SAMD12: variants seen among roughly 807,000 people sequenced by gnomAD.
The protein encoded by SAMD12 is sterile alpha motif domain-containing protein 12.
Under a neutral mutation model 15.0 loss-of-function variants are expected in SAMD12, and 9 were observed. That is an observed-to-expected ratio of 0.60 (90% confidence interval 0.36 to 1.05). The LOEUF is 1.05. Ranked by LOEUF, SAMD12 falls within the 50% of genes least tolerant of loss-of-function variation. The pLI is 0.01. For missense variants in SAMD12, 230 were observed against 234.2 expected, an observed-to-expected ratio of 0.98 and a Z score of 0.12; for synonymous variants, 86 against 90.1, an observed-to-expected ratio of 0.96 and a Z score of 0.25.
chr8:118,301,265 C>A (rs1308194439), intron 4 of SAMD12, among the ~76,000 whole-genome samples: 8 of 152,096 alleles, frequency 5.3e-5, no homozygotes, highest in Admixed American at 4.6e-4. Context: ...CTATAACATG[C>A]AACATATGTT....
At chr8:118,144,325 A>G in the SAMD12 span, among the ~76,000 whole-genome samples, 23 of 151,966 alleles carry the variant, frequency 1.5e-4, no homozygotes, top group Non-Finnish European at 3.1e-4. Context: ...TTTTTTAGCC[A>G]CTCTCCCACT....
intron 4 of SAMD12, among the ~76,000 whole-genome samples, chr8:118,272,038 G>T (rs1391121550): frequency 2.6e-5 from 4 of 152,238 alleles, no homozygotes; most frequent in Non-Finnish European, 5.9e-5. Context: ...GGGACTCTGT[G>T]TGGGGGCTCC....
intron 1 of SAMD12, among the ~76,000 whole-genome samples, chr8:118,606,438 GGCT>G (rs1223749119): frequency 6.6e-6 from 1 of 152,130 alleles, no homozygotes; most frequent in African/African-American, 2.4e-5. Context: ...CATCAATGGT[GGCT>G]CAGATGAGAA....
intron 4 of SAMD12, among the ~76,000 whole-genome samples, chr8:118,349,771 CCT>C (rs1158884519): frequency 2.0e-5 from 3 of 152,174 alleles, no homozygotes; most frequent in Non-Finnish European, 4.4e-5. Flanking sequence ...TCGTTTCCTC[CCT>C]GAGTCCTCAG....
chr8:118,601,406 C>T (rs1201309164), intron 1 of SAMD12, among the ~76,000 whole-genome samples: 1 of 152,144 alleles, frequency 6.6e-6, no homozygotes, highest in Non-Finnish European at 1.5e-5. Context: ...TTATTTTTCT[C>T]TCCATGCCTA....
At chr8:118,508,815 G>GC (rs1824995470) in intron 2 of SAMD12, among the ~76,000 whole-genome samples, 1 of 152,174 alleles carries the variant, frequency 6.6e-6, no homozygotes, top group Non-Finnish European at 1.5e-5. Context: ...AAGGATGAAT[G>GC]CGTTTTCTCA....
At chr8:118,590,342 G>A (rs936520062) in intron 1 of SAMD12, among the ~76,000 whole-genome samples, 1 of 152,198 alleles carries the variant, frequency 6.6e-6, no homozygotes, top group Non-Finnish European at 1.5e-5. Flanking sequence ...GAATGCCATA[G>A]AAGGCCAAGT....
At chr8:118,400,970 A>T (rs1425655284) in intron 3 of SAMD12, among the ~76,000 whole-genome samples, 1 of 152,244 alleles carries the variant, frequency 6.6e-6, no homozygotes, top group African/African-American at 2.4e-5. Flanking sequence ...AAAGATGTCA[A>T]ATGTTACAAC....
rs538934941 is a variant in SAMD12, at chr8:118,444,956, T to A, written c.193-4995A>T. Reference sequence around the variant, plus strand: ...TAGAGAATGCTTAGACTGTTTACATTCATTGGCAGGGCAAAGTGAGCTTTA... The same window carrying A: ...TAGAGAATGCTTAGACTGTTTACATACATTGGCAGGGCAAAGTGAGCTTTA... On this transcript the variant is annotated intron_variant, in intron 2 of 3. Coordinates refer to ENST00000314727, the MANE Select transcript of SAMD12 (RefSeq NM_207506.3). 1.6e-3 allele frequency among the ~76,000 whole-genome samples: 244 copies of A among 152,334 alleles called. 1 individual carries two copies. Among genetic ancestry groups the A allele is most frequent in the Non-Finnish European group, 1.4e-3 (93 of 68,030 alleles).
exon 5 of SAMD12, chr8:118,191,763 TATATATATATATATATATATATATATA>T (rs1819385311): frequency 3.5e-4 from 5 of 14,430 alleles, no homozygotes; most frequent in South Asian, 2.4e-3. Context: ...AGATTATATA[TATATATATATATATATATATATATATA>T]TATATATATA....
the SAMD12 span, among the ~76,000 whole-genome samples, chr8:118,140,229 A>G: frequency 2.0e-5 from 3 of 152,254 alleles, no homozygotes; most frequent in Admixed American, 2.0e-4. Flanking sequence ...AAATGTTCTC[A>G]TTCTTTCACC....
At chr8:118,139,822 G>A in the SAMD12 span, among the ~76,000 whole-genome samples, 97 of 152,248 alleles carry the variant, frequency 6.4e-4, no homozygotes, top group Non-Finnish European at 2.8e-4. Flanking sequence ...CCCATTTTCC[G>A]TTGGCTCTCA....
chr8:118,360,137 C>T (rs1043063665), intron 4 of SAMD12, among the ~76,000 whole-genome samples: 4 of 152,168 alleles, frequency 2.6e-5, no homozygotes, highest in African/African-American at 9.7e-5. Context: ...TAAAGAGGGA[C>T]TTCTTCAACT....
chr8:118,611,556 A>C (rs763807260), intron 1 of SAMD12, among the ~76,000 whole-genome samples: 4 of 151,048 alleles, frequency 2.6e-5, no homozygotes, highest in Non-Finnish European at 5.9e-5. Flanking sequence ...ACTGGTCATC[A>C]AGCAGGAAAT....
intron 4 of SAMD12, among the ~76,000 whole-genome samples, chr8:118,317,806 G>A (rs1454318962): frequency 6.6e-6 from 1 of 152,060 alleles, no homozygotes; most frequent in Non-Finnish European, 1.5e-5. Context: ...AAAGAAAAGT[G>A]GGCAAGAATC....
intron 2 of SAMD12, among the ~76,000 whole-genome samples, chr8:118,457,043 CAT>C (rs1330983856): frequency 6.6e-6 from 1 of 152,168 alleles, no homozygotes; most frequent in South Asian, 2.1e-4. Flanking sequence ...ATTTATCTCA[CAT>C]GTTTGCTATA....
At chr8:118,545,000 G>A (rs1826083301) in intron 2 of SAMD12, among the ~76,000 whole-genome samples, 1 of 152,170 alleles carries the variant, frequency 6.6e-6, no homozygotes, top group African/African-American at 2.4e-5. Flanking sequence ...TTTTCAAATT[G>A]TTTCACACTA....
At chr8:118,541,703 T>TA (rs924432591) in intron 2 of SAMD12, among the ~76,000 whole-genome samples, 4 of 152,142 alleles carry the variant, frequency 2.6e-5, no homozygotes, top group African/African-American at 9.7e-5. Context: ...TTTCAAATAT[T>TA]AAAAAAATTT....
intron 4 of SAMD12, among the ~76,000 whole-genome samples, chr8:118,334,633 T>C (rs537246018): frequency 1.3e-5 from 2 of 152,308 alleles, no homozygotes; most frequent in African/African-American, 4.8e-5. Context: ...TCTCATTCTG[T>C]TACCCAGGCT....
Sources: allele counts gnomAD v4.1 joint callset (sites outside exome capture counted in the v4.1 genomes callset), GRCh38; gene constraint gnomAD v4.1.1; transcripts MANE v1.5; gene names NCBI Gene and HGNC (gene_info 2026-07-23, HGNC 2026-07-21).